The following VEZF1 variants were observed in gnomAD, a reference collection of about 807,000 sequenced individuals.
VEZF1 encodes putative transcription factor DB1.
A neutral mutation model predicts 44.1 loss-of-function variants in VEZF1; 5 were observed. The observed-to-expected ratio is 0.11, with a 90% CI of 0.06 to 0.24. The LOEUF is 0.24. Among genes scored for constraint, VEZF1 ranks in the 10% least tolerant of loss-of-function variants. The probability of loss-of-function intolerance (pLI) is 1.00; values close to 1 mark genes in which losing one functional copy is unlikely to be tolerated. For missense variants in VEZF1, 358 were observed against 641.8 expected, an observed-to-expected ratio of 0.56 and a Z score of 4.78; for synonymous variants, 236 against 233.1, an observed-to-expected ratio of 1.01 and a Z score of -0.11.
At chr17:57,982,658 TA>T in intron 2 of VEZF1, 40 bp downstream of exon 2, 1 of 1,551,662 alleles carries the variant, frequency 6.4e-7, no homozygotes, top group Non-Finnish European at 8.7e-7. Context: ...AGTACACTGA[TA>T]CCATAATGAA....
rs763507517 is a variant in VEZF1 at position 57,980,575 on chromosome 17, A to G, written c.976+28T>C. The G allele has an allele frequency of 3.7e-6, 6 of 1,601,598 alleles. No individual in the cohort carries two copies. The Admixed American group carries it at 1.0e-4, about 27-fold the overall frequency. ...CATATTTCACCCATCTGAAATATAA[A>G]AGAAAGAAAATCTGAAGCACCACCT... On this transcript the variant is annotated intron_variant, in intron 4 of 5. Transcript: ENST00000581208.
chr17:57,982,667 G>C lies in VEZF1; in HGVS notation c.728+32C>G, dbSNP rs746333194. On this transcript the variant is annotated intron_variant, in intron 2 of 5. Transcript: ENST00000581208. ...AACTGAAGTACACTGATACCATAAT[G>C]AAGCAAAGCAAAGCAAAGCAAAATG... The C allele has an allele frequency of 3.8e-6, 6 of 1,559,896 alleles. No individual in the cohort carries two copies. In the African/African-American group the frequency reaches 8.2e-5, roughly 21 times the overall value.
At chr17:57,975,981 T>C (rs2075186745) in intron 5 of VEZF1, among the ~76,000 whole-genome samples, 1 of 152,176 alleles carries the variant, frequency 6.6e-6, no homozygotes, top group African/African-American at 2.4e-5. Context: ...GTGTTTTTTG[T>C]AGAGACTGGG....
rs374038200 is a variant in VEZF1, at chr17:57,979,318, T to A, written c.977-5A>T. 1.9e-6 allele frequency: 3 copies of A among 1,613,674 alleles called. No individual in the cohort carries two copies. In the African/African-American group the frequency reaches 4.0e-5, roughly 22 times the overall value. On this transcript the variant is annotated splice_polypyrimidine_tract_variant and splice_region_variant and intron_variant, in intron 4 of 5. Transcript: ENST00000581208. Reference sequence around the variant, plus strand: ...TGGTCTCTTCACTCATGCATGCTATTACAAAGACAAACCAAAAACACTGTA... The same window carrying A: ...TGGTCTCTTCACTCATGCATGCTATAACAAAGACAAACCAAAAACACTGTA...
intron 5 of VEZF1, among the ~76,000 whole-genome samples, chr17:57,976,816 CG>C (rs1403574052): frequency 6.6e-6 from 1 of 151,934 alleles, no homozygotes; most frequent in African/African-American, 2.4e-5. Context: ...AGGAGTACAC[CG>C]AGAGAGATTG....
Position 57,983,077 on chromosome 17 carries a change from G to C in VEZF1, c.350C>G (p.Ser117Cys). The C allele has an allele frequency of 2.5e-6, 4 of 1,614,214 alleles. No homozygotes were observed. The highest frequency in any genetic ancestry group is 3.4e-6 in the Non-Finnish European group (4 of 1,180,046). Reference sequence around the variant, plus strand: ...TCGGCTGCTGTCCCCAGCGATGGTAGAGATAAGGGGAACCACCGTGGTGGG... The same window carrying C: ...TCGGCTGCTGTCCCCAGCGATGGTACAGATAAGGGGAACCACCGTGGTGGG... ...KTPTTVVPLI[S>C]TIAGDSSRTS... The change falls in exon 2 of 6, where the codon TCT (serine) becomes TGT (cysteine). Residue 117 changes from serine (S) to cysteine (C), a missense_variant. Physicochemically the swap from Ser to Cys is moderately radical, Grantham distance 112. Transcript: ENST00000581208.
intron 2 of VEZF1, 92 bp from the exon 3 acceptor site, chr17:57,982,028 G>C: frequency 7.2e-7 from 1 of 1,397,028 alleles, no homozygotes; most frequent in Non-Finnish European, 1.0e-6. Flanking sequence ...GATTGGGAAG[G>C]GGTGCATTTT....
chr17:57,985,411 C>T, intron 1 of VEZF1: 1 of 1,225,420 alleles, frequency 8.2e-7, no homozygotes, highest in Non-Finnish European at 1.0e-6. Flanking sequence ...CCTAGGATCC[C>T]CACACTTCTA....
At chr17:57,980,312 C>A (rs562311681) in intron 4 of VEZF1, among the ~76,000 whole-genome samples, 1 of 152,276 alleles carries the variant, frequency 6.6e-6, no homozygotes, top group South Asian at 2.1e-4. Context: ...GCATTTAAAC[C>A]TTCAAGTGGA....
chr17:57,983,030 C>T lies in VEZF1; in HGVS notation c.397G>A (p.Ala133Thr). 6.2e-7 allele frequency: 1 copy of T among 1,614,144 alleles called. No homozygotes were observed. Among genetic ancestry groups the T allele is most frequent in the Non-Finnish European group, 8.5e-7 (1 of 1,180,022 alleles). ...SSRTSLVSTI[A>T]GILSTVTTSS... ...GTAGTGACTGTTGACAAGATGCCTG[C>T]AATGGTCGAGACCAACGAAGTTCGG... Residue 133 changes from alanine (A) to threonine (T), a missense_variant, in exon 2 of 6, where the codon GCA (alanine) becomes ACA (threonine). Coordinates refer to ENST00000581208, the MANE Select transcript of VEZF1 (RefSeq NM_007146.3).
At chr17:57,985,318 A>T in intron 1 of VEZF1, 1 of 1,231,420 alleles carries the variant, frequency 8.1e-7, no homozygotes, top group Non-Finnish European at 1.0e-6. Context: ...GCTGAAGCTC[A>T]CTCTCACAGG....
chr17:57,973,480 C>T lies in VEZF1; in HGVS notation c.*993G>A, dbSNP rs539512382. 1 of 152,712 alleles carries T rather than the reference C, an allele frequency of 6.5e-6. No individual in the cohort carries two copies. The highest frequency in any genetic ancestry group is 1.5e-5 in the Non-Finnish European group (1 of 68,024). The allele number at this position is 152,712 out of a possible 1,614,324, so 9.5% of individuals were successfully genotyped here. On this transcript the variant is annotated 3_prime_UTR_variant, in exon 6 of 6. Transcript: ENST00000581208. ...TATACAATTTAATATAAGACATAAA[C>T]TCTAGTGAGCAACTAACACATCTGT...
Position 57,974,567 on chromosome 17 carries a change from G to A in VEZF1, c.1472C>T (p.Pro491Leu). ...TITSPMNLPT[P>L]MTLAAPLNIA... ...ATTGAGAGGGGCGGCTAATGTCATA[G>A]GTGTGGGTAGATTCATTGGAGATGT... The change falls in exon 6 of 6, where the codon CCT becomes CTT. Residue 491 changes from proline to leucine, a missense_variant. Transcript: ENST00000581208. 1 of 1,614,208 alleles carries A rather than the reference G, an allele frequency of 6.2e-7. No homozygotes were observed. Among genetic ancestry groups the A allele is most frequent in the Non-Finnish European group, 8.5e-7 (1 of 1,180,036 alleles).
intron 3 of VEZF1, 122 bp from the exon 4 acceptor site, chr17:57,980,908 ATTGCATATG>A: frequency 1.1e-6 from 1 of 875,748 alleles, no homozygotes; most frequent in Non-Finnish European, 1.7e-6. Context: ...TTGAATTTTA[ATTGCATATG>A]TTACCTAGAA....
At chr17:57,981,691 A>G (rs1413293300) in intron 3 of VEZF1, among the ~76,000 whole-genome samples, 182 bp downstream of exon 3, 1 of 152,220 alleles carries the variant, frequency 6.6e-6, no homozygotes, top group African/African-American at 2.4e-5. Context: ...TTTTTAAATG[A>G]TCTTGCTTTA....
intron 4 of VEZF1, among the ~76,000 whole-genome samples, chr17:57,979,788 C>T (rs1177068885): frequency 6.6e-6 from 1 of 151,616 alleles, no homozygotes; most frequent in African/African-American, 2.4e-5. Flanking sequence ...GGTGAAACGC[C>T]GTCTCTATGA....
chr17:57,987,589 G>A (rs1170396008), intron 1 of VEZF1, among the ~76,000 whole-genome samples: 1 of 152,074 alleles, frequency 6.6e-6, no homozygotes, highest in Non-Finnish European at 1.5e-5. Context: ...AAAAGACGAG[G>A]AAGGTGAAAA....
At chr17:57,987,359 G>A (rs777141322) in intron 1 of VEZF1, among the ~76,000 whole-genome samples, 1 of 152,044 alleles carries the variant, frequency 6.6e-6, no homozygotes, top group Non-Finnish European at 1.5e-5. Context: ...GGGAGAAGGT[G>A]TCAGCTGCCA....
At chr17:57,981,403 T>A (rs977211085) in intron 3 of VEZF1, among the ~76,000 whole-genome samples, 1 of 152,236 alleles carries the variant, frequency 6.6e-6, no homozygotes, top group Non-Finnish European at 1.5e-5. Flanking sequence ...AATAAAATCA[T>A]TAACTGGAAT....
Sources: allele counts gnomAD v4.1 joint callset (sites outside exome capture counted in the v4.1 genomes callset), GRCh38; gene constraint gnomAD v4.1.1; transcripts MANE v1.5; gene names NCBI Gene and HGNC (gene_info 2026-07-23, HGNC 2026-07-21).